Variants in SLC35F4 observed in about 807,000 individuals in gnomAD.
SLC35F4 encodes the protein solute carrier family 35 member F4.
A neutral mutation model predicts 44.2 loss-of-function variants in SLC35F4; 24 were observed. That is an observed-to-expected ratio of 0.54 (90% CI 0.39 to 0.76). The LOEUF is 0.76. Among genes scored for constraint, SLC35F4 ranks in the 30% least tolerant of loss-of-function variants. SLC35F4 has a pLI of 0.00. For missense variants in SLC35F4, 562 were observed against 586.1 expected (o/e 0.96, Z 0.42); for synonymous variants, 238 against 223.6 (o/e 1.06, Z -0.57).
At chr14:57,590,226 C>CAAAAAAAAAAAAAA (rs55850524) in intron 2 of SLC35F4, among the ~76,000 whole-genome samples, 1 of 119,180 alleles carries the variant, frequency 8.4e-6, no homozygotes, top group Non-Finnish European at 1.7e-5. Context: ...CTTGTCTATG[C>CAAAAAAAAAAAAAA]AAAAAAAAAA....
intron 1 of SLC35F4, among the ~76,000 whole-genome samples, chr14:57,927,339 C>G (rs1336956197): frequency 6.6e-6 from 1 of 152,168 alleles, no homozygotes; most frequent in Non-Finnish European, 1.5e-5. Context: ...GAGGCTTCTC[C>G]TGGTGGTTCA....
At chr14:57,952,298 G>A (rs1176975163) in intron 1 of SLC35F4, among the ~76,000 whole-genome samples, 1 of 152,108 alleles carries the variant, frequency 6.6e-6, no homozygotes, top group Non-Finnish European at 1.5e-5. Flanking sequence ...CAGCATCAAA[G>A]ACCAAAGGTA....
At chr14:57,801,344 C>A (rs2078189192) in intron 1 of SLC35F4, among the ~76,000 whole-genome samples, 2 of 152,200 alleles carry the variant, frequency 1.3e-5, no homozygotes, top group South Asian at 4.1e-4. Flanking sequence ...ACCAGGCCTG[C>A]CTTGCAAGAG....
chr14:57,625,507 A>G (rs978620712), intron 1 of SLC35F4, among the ~76,000 whole-genome samples: 11 of 152,166 alleles, frequency 7.2e-5, no homozygotes, highest in Admixed American at 2.0e-4. Context: ...AATCCTAAGT[A>G]AAAAGAACAA....
chr14:57,737,338 C>T (rs1220051298), intron 1 of SLC35F4, among the ~76,000 whole-genome samples: 1 of 152,000 alleles, frequency 6.6e-6, no homozygotes, highest in Non-Finnish European at 1.5e-5. Flanking sequence ...ACTCCCTATT[C>T]CTCACCTGCC....
At chr14:57,899,689 T>G (rs962530090) in intron 1 of SLC35F4, among the ~76,000 whole-genome samples, 7 of 152,142 alleles carry the variant, frequency 4.6e-5, no homozygotes, top group Non-Finnish European at 7.4e-5. Context: ...TTTGCTGAGG[T>G]TTCCTCTCCC....
In SLC35F4 at chr14:57,593,925, G is replaced by T. The variant is rs757237687; in HGVS notation, c.289+14C>A. 6.2e-7 allele frequency: 1 copy of T among 1,612,120 alleles called. No individual in the cohort carries two copies. The highest frequency in any genetic ancestry group is 8.5e-7 in the Non-Finnish European group (1 of 1,179,208). On this transcript the variant is annotated intron_variant, in intron 2 of 7. Coordinates refer to ENST00000556826, the MANE Select transcript of SLC35F4 (RefSeq NM_001306087.2). ...TAGGATGTACCGTTATTTAAGAGGA[G>T]GTCACCCACATACCTGATCTGTTCT...
intron 1 of SLC35F4, among the ~76,000 whole-genome samples, chr14:57,601,703 C>A (rs2070836575): frequency 6.6e-6 from 1 of 152,102 alleles, no homozygotes; most frequent in African/African-American, 2.4e-5. Context: ...TACAATTTAT[C>A]TTCTCTACTT....
intron 1 of SLC35F4, among the ~76,000 whole-genome samples, chr14:57,652,561 G>A (rs970032758): frequency 1.2e-4 from 19 of 152,124 alleles, no homozygotes; most frequent in Non-Finnish European, 2.1e-4. Context: ...TGGGAGGTGG[G>A]TGCTGCTGGC....
intron 1 of SLC35F4, among the ~76,000 whole-genome samples, chr14:57,815,597 ACT>A (rs1178425406): frequency 6.6e-6 from 1 of 152,168 alleles, no homozygotes; most frequent in Non-Finnish European, 1.5e-5. Context: ...GACCCTTCTT[ACT>A]TCTACCTCTG....
Position 57,961,008 on chromosome 14 carries a change from G to A in SLC35F4, n.282+20905C>T, listed in dbSNP as rs1031429829. 7.9e-5 allele frequency among the ~76,000 whole-genome samples: 12 copies of A among 152,124 alleles called. 1 individual carries two copies. Among genetic ancestry groups the A allele is most frequent in the Admixed American group, 1.3e-4 (2 of 15,272 alleles). On this transcript the variant is annotated intron_variant and non_coding_transcript_variant, in intron 1 of 1. Transcript: ENST00000556568. ...TTCCCAACCAGCTATCAGAGGGGCCGGAGCACACGTGTGGTGCTGGCAATG... is the reference window on the plus strand; with the variant it reads ...TTCCCAACCAGCTATCAGAGGGGCCAGAGCACACGTGTGGTGCTGGCAATG...
At chr14:57,837,965 A>T (rs1236408852) in intron 1 of SLC35F4, among the ~76,000 whole-genome samples, 2 of 152,134 alleles carry the variant, frequency 1.3e-5, no homozygotes, top group Non-Finnish European at 2.9e-5. Context: ...TCTTTTTGCC[A>T]TATCTTGTAT....
chr14:57,596,813 G>A (rs1190604304), intron 1 of SLC35F4: 2 of 1,367,508 alleles, frequency 1.5e-6, no homozygotes, highest in East Asian at 9.1e-5. Context: ...TGTTCCTTAT[G>A]TGATATACCG....
rs542209178 is a variant in SLC35F4 at position 57,780,983 on chromosome 14, A to G, written c.103+84740T>C. On this transcript the variant is annotated intron_variant, in intron 1 of 7. Coordinates refer to ENST00000556826, the MANE Select transcript of SLC35F4 (RefSeq NM_001306087.2). Reference sequence around the variant, plus strand: ...AAAACCCTGGAAGAAAATCTAGGCAATATTATTCCGGACATAGGAATTGGC... The same window carrying G: ...AAAACCCTGGAAGAAAATCTAGGCAGTATTATTCCGGACATAGGAATTGGC... Among the ~76,000 whole-genome samples the G allele has an allele frequency of 1.7e-4, 26 of 149,816 alleles. 1 individual carries two copies. The South Asian group carries it at 5.4e-3, about 31-fold the overall frequency.
chr14:57,859,230 C>G (rs1193935415), intron 1 of SLC35F4, among the ~76,000 whole-genome samples: 8 of 152,126 alleles, frequency 5.3e-5, no homozygotes, highest in Admixed American at 3.3e-4. Flanking sequence ...GATTAAAGTG[C>G]TCGCATATAT....
intron 1 of SLC35F4, among the ~76,000 whole-genome samples, chr14:57,660,623 T>C (rs2140234867): frequency 6.6e-6 from 1 of 152,000 alleles, no homozygotes; most frequent in East Asian, 2.0e-4. Context: ...AATGATGGCA[T>C]GGCACTTTTG....
At chr14:57,724,280 T>C (rs1161528471) in intron 1 of SLC35F4, among the ~76,000 whole-genome samples, 2 of 152,200 alleles carry the variant, frequency 1.3e-5, no homozygotes, top group Non-Finnish European at 2.9e-5. Flanking sequence ...GGGATGCTTT[T>C]TGGAGCCTTT....
intron 1 of SLC35F4, among the ~76,000 whole-genome samples, chr14:57,756,821 ATT>A: frequency 6.8e-6 from 1 of 146,224 alleles, no homozygotes; most frequent in African/African-American, 2.5e-5. Context: ...AATCTGCCTA[ATT>A]TTTTTTTTTT....
chr14:57,617,502 T>C (rs2071912596), intron 1 of SLC35F4, among the ~76,000 whole-genome samples: 1 of 152,190 alleles, frequency 6.6e-6, no homozygotes, highest in African/African-American at 2.4e-5. Context: ...ATATACATTA[T>C]ATGCATTTGT....
Sources: allele counts gnomAD v4.1 joint callset (sites outside exome capture counted in the v4.1 genomes callset), GRCh38; gene constraint gnomAD v4.1.1; transcripts MANE v1.5; gene names NCBI Gene and HGNC (gene_info 2026-07-23, HGNC 2026-07-21).